Variants in STK11 observed in about 807,000 individuals in gnomAD.
The protein encoded by STK11 is serine/threonine kinase 11.
STK11 carries 8 observed loss-of-function variants against 47.3 expected under a neutral mutation model. The ratio of observed to expected loss-of-function variants is 0.17; its 90% CI spans 0.10 to 0.31. The LOEUF (loss-of-function observed/expected upper bound fraction) is 0.31, where lower values mean the gene tolerates loss of function less well. Ranked by LOEUF, STK11 falls within the 10% of genes least tolerant of loss-of-function variation. The pLI, the probability that STK11 is intolerant of heterozygous loss-of-function variation, is 1.00. For synonymous variants in STK11, 330 were observed against 255.8 expected (o/e 1.29, Z -2.77); for missense variants, 475 against 605.0 (o/e 0.79, Z 2.25).
chr19:1,221,123 G>T (rs1056490901), intron 5 of STK11, 90 bp from the exon 6 acceptor site: 20 of 1,559,792 alleles, frequency 1.3e-5, no homozygotes, highest in Admixed American at 5.4e-5. Flanking sequence ...GCAGCCACGG[G>T]ACGCCTCTGT....
rs587782267 is a variant in STK11, at chr19:1,223,062, G to A, written c.998G>A (p.Arg333His). The change falls in exon 8 of 10, where the codon CGC becomes CAC. Residue 333 changes from arginine to histidine, a missense_variant. Physicochemically the swap from Arg to His is conservative, Grantham distance 29. This residue lies in a region of STK11 where 219 missense variants were observed against 189.2 expected (regional missense o/e 1.16). Transcript: ENST00000326873. ...AGCCCAGACACCAAGGACCGGTGGC[G>A]CAGCATGACTGTGGTGCCGTACTTG... ...PPSPDTKDRW[R>H]SMTVVPYLED... is the part of the protein sequence containing the mutation. 4 of 1,605,532 alleles carry A rather than the reference G, an allele frequency of 2.5e-6. No individual in the cohort carries two copies. Among genetic ancestry groups the A allele is most frequent in the Non-Finnish European group, 1.7e-6 (2 of 1,176,716 alleles).
intron 8 of STK11, 129 bp downstream of exon 8, chr19:1,223,301 C>A: frequency 8.5e-7 from 1 of 1,175,802 alleles, no homozygotes; most frequent in Non-Finnish European, 1.2e-6. Context: ...GTCCCCAAAG[C>A]CTCCAGCCCA....
intron 1 of STK11, among the ~76,000 whole-genome samples, chr19:1,211,841 C>T (rs2080713141): frequency 6.6e-6 from 1 of 152,210 alleles, no homozygotes; most frequent in African/African-American, 2.4e-5. Context: ...ATGCTTGGAC[C>T]TATGGTAAAG....
At chr19:1,207,605 C>T (rs1464213385) in intron 1 of STK11, among the ~76,000 whole-genome samples, 1 of 152,228 alleles carries the variant, frequency 6.6e-6, no homozygotes, top group South Asian at 2.1e-4. Context: ...CGGCCGCCAA[C>T]ACGTTTTCTG....
rs2080660639 is a variant in STK11 at position 1,205,911 on chromosome 19, C to T, written c.-1003C>T. 3.4e-5 allele frequency: 6 copies of T among 178,556 alleles called. No homozygotes were observed. Among genetic ancestry groups the T allele is most frequent in the East Asian group, 1.9e-4 (2 of 10,384 alleles). The allele number at this position is 178,556 out of a possible 1,614,324, so 11.1% of individuals were successfully genotyped here. ...CTGCCGCGGCCTTGGATGGGCTGGG[C>T]CCCCCTCGCCGCTCCGCCTCCTCCA... On this transcript the variant is annotated 5_prime_UTR_variant, in exon 1 of 10. Coordinates refer to ENST00000326873, the MANE Select transcript of STK11 (RefSeq NM_000455.5).
intron 1 of STK11, among the ~76,000 whole-genome samples, chr19:1,209,048 G>A (rs1368456209): frequency 6.6e-6 from 1 of 152,156 alleles, no homozygotes; most frequent in African/African-American, 2.4e-5. Flanking sequence ...GTGTTTCCAC[G>A]AGGCCTTTCT....
chr19:1,209,884 G>A (rs1568693714), intron 1 of STK11, among the ~76,000 whole-genome samples: 1 of 152,166 alleles, frequency 6.6e-6, no homozygotes, highest in Non-Finnish European at 1.5e-5. Flanking sequence ...GAGGCAGAGG[G>A]GTTGGCAGGA....
At chr19:1,226,084 G>A in intron 8 of STK11, 1 of 1,082,270 alleles carries the variant, frequency 9.2e-7, no homozygotes, top group Non-Finnish European at 1.1e-6. Context: ...TGGGCCTCTA[G>A]AACCAACCAT....
intron 1 of STK11, among the ~76,000 whole-genome samples, chr19:1,210,887 G>C (rs1279960994): frequency 6.6e-6 from 1 of 152,106 alleles, no homozygotes; most frequent in East Asian, 1.9e-4. Context: ...CTGGGGCCGG[G>C]CGTGGTGGCT....
At chr19:1,213,630 T>G (rs528149184) in intron 1 of STK11, among the ~76,000 whole-genome samples, 3 of 152,364 alleles carry the variant, frequency 2.0e-5, no homozygotes, top group Admixed American at 1.3e-4. Context: ...CTGCGTCACT[T>G]TCCAGTGTGT....
chr19:1,218,223 C>T (rs1246431074), intron 1 of STK11, among the ~76,000 whole-genome samples, 194 bp from the exon 2 acceptor site: 1 of 152,220 alleles, frequency 6.6e-6, no homozygotes, highest in East Asian at 1.9e-4. Context: ...TGTGCTCCCA[C>T]CCCCTACCGC....
chr19:1,228,078 A>G lies in STK11; in HGVS notation c.*502A>G, dbSNP rs1599934578. ...TTTTTTCTTTTTTTTTTTAAGAAAA[A>G]ATAAAAGGTGGATTTGAGCTGTGGC... On this transcript the variant is annotated 3_prime_UTR_variant, in exon 10 of 10. Transcript: ENST00000326873. 9.4e-7 allele frequency: 1 copy of G among 1,065,116 alleles called. No homozygotes were observed. The highest frequency in any genetic ancestry group is 1.1e-6 in the Non-Finnish European group (1 of 879,404). The allele number at this position is 1,065,116 out of a possible 1,614,324, so 66.0% of individuals were successfully genotyped here.
At position 1,206,231 on chromosome 19, in the gene STK11, G is replaced by A. The variant is rs1020119930; in HGVS notation, c.-683G>A. 5.2e-6 allele frequency: 1 copy of A among 191,100 alleles called. No homozygotes were observed. Among genetic ancestry groups the A allele is most frequent in the Non-Finnish European group, 1.1e-5 (1 of 91,776 alleles). 11.8% of individuals were successfully genotyped at this position (191,100 alleles called of 1,614,324 possible). On this transcript the variant is annotated 5_prime_UTR_variant, in exon 1 of 10. Transcript: ENST00000326873. The stretch of plus-strand genomic sequence containing the variant: ...CCTCGCGGGCGCCGGGCAGCGACCA[G>A]CCCTGAGCGGAGCTGTTGGCCGCGG...
chr19:1,206,576 C>A lies in STK11; in HGVS notation c.-338C>A. On this transcript the variant is annotated 5_prime_UTR_variant, in exon 1 of 10. Coordinates refer to ENST00000326873, the MANE Select transcript of STK11 (RefSeq NM_000455.5). ...GCACTGAAAAGCCCCGGCCGGCCTC[C>A]CCAGGGTCCCCGAGGACGAAGTTGA... 2.4e-6 allele frequency: 1 copy of A among 418,198 alleles called. No homozygotes were observed. The highest frequency in any genetic ancestry group is 4.3e-6 in the Non-Finnish European group (1 of 232,284). 25.9% of individuals were successfully genotyped at this position (418,198 alleles called of 1,614,324 possible). A position where few individuals can be genotyped will look rare whatever the true frequency, so the allele number is the denominator to read the frequency against.
In STK11 at chr19:1,227,938, C is replaced by G. The variant is rs935671399; in HGVS notation, c.*362C>G. On this transcript the variant is annotated 3_prime_UTR_variant, in exon 10 of 10. Coordinates refer to ENST00000326873, the MANE Select transcript of STK11 (RefSeq NM_000455.5). ...GGCGCCCAGCGCCGTCCGGCGGCCC[C>G]GCCGCAGACCAGCTGGCGGGTGTGG... is the stretch of plus-strand genomic sequence containing the variant. 6.5e-6 allele frequency: 7 copies of G among 1,070,106 alleles called. No homozygotes were observed. The African/African-American group carries it at 9.8e-5, about 15-fold the overall frequency. The allele number at this position is 1,070,106 out of a possible 1,614,324, so 66.3% of individuals were successfully genotyped here.
chr19:1,221,487 C>A, intron 6 of STK11, 147 bp downstream of exon 6: 1 of 1,278,786 alleles, frequency 7.8e-7, no homozygotes, highest in Non-Finnish European at 1.0e-6. Context: ...GACCTCCCCG[C>A]AGGGCCTGGT....
At chr19:1,227,383 G>T in intron 9 of STK11, 1 of 326,396 alleles carries the variant, frequency 3.1e-6, no homozygotes, top group Non-Finnish European at 4.7e-6. Flanking sequence ...CCATCCACCA[G>T]CGTCAGAGCC....
In STK11 at chr19:1,206,178, GC is replaced by G. The variant is rs1188846598; in HGVS notation, c.-734del. The G allele has an allele frequency of 6.4e-6, 1 of 156,842 alleles. No individual in the cohort carries two copies. Among genetic ancestry groups the G allele is most frequent in the African/African-American group, 2.4e-5 (1 of 41,316 alleles). 9.7% of individuals were successfully genotyped at this position (156,842 alleles called of 1,614,324 possible). On this transcript the variant is annotated 5_prime_UTR_variant, in exon 1 of 10. An upstream open reading frame in the 5' UTR gains an earlier in-frame stop. Transcript: ENST00000326873. ...CCGGCGACCACCTTGGGGGTCGCGG[GC>G]CGGCTCGGGGGGCGCCCAGTGCGGG...
rs1057521267 is a variant in STK11, at chr19:1,223,066, C to T, written c.1002C>T (p.Ser334=). 6.2e-7 allele frequency: 1 copy of T among 1,607,224 alleles called. No individual in the cohort carries two copies. Among genetic ancestry groups the T allele is most frequent in the Non-Finnish European group, 8.5e-7 (1 of 1,177,468 alleles). ...PSPDTKDRWR[S]MTVVPYLEDL... Reference sequence around the variant, plus strand: ...CAGACACCAAGGACCGGTGGCGCAGCATGACTGTGGTGCCGTACTTGGAGG... The same window carrying T: ...CAGACACCAAGGACCGGTGGCGCAGTATGACTGTGGTGCCGTACTTGGAGG... Residue 334 remains serine, a synonymous_variant, in exon 8 of 10, where the codon AGC becomes AGT. Coordinates refer to ENST00000326873, the MANE Select transcript of STK11 (RefSeq NM_000455.5).
Sources: allele counts gnomAD v4.1 joint callset (sites outside exome capture counted in the v4.1 genomes callset), GRCh38; gene constraint gnomAD v4.1.1; regional missense constraint gnomAD v4.1.1; transcripts MANE v1.5; gene names NCBI Gene and HGNC (gene_info 2026-07-23, HGNC 2026-07-21).